The following STIM2 variants were observed in gnomAD, a reference collection of about 807,000 sequenced individuals.
STIM2 encodes the protein stromal interaction molecule 2.
Under a neutral mutation model 85.8 loss-of-function variants are expected in STIM2, and 31 were observed. The observed-to-expected ratio is 0.36, with a 90% confidence interval of 0.27 to 0.49. The LOEUF (loss-of-function observed/expected upper bound fraction) is 0.49. STIM2 is among the 20% of genes least tolerant of loss of function. The pLI, the probability that STIM2 is intolerant of heterozygous loss-of-function variation, is 0.98. For synonymous variants in STIM2, 356 were observed against 331.1 expected, an observed-to-expected ratio of 1.08 and a Z score of -0.82; for missense variants, 841 against 927.6, an observed-to-expected ratio of 0.91 and a Z score of 1.21.
intron 1 of STIM2, among the ~76,000 whole-genome samples, chr4:26,911,256 AAAATG>A (rs1450656555): frequency 2.0e-5 from 3 of 149,352 alleles, no homozygotes; most frequent in Admixed American, 6.6e-5. Flanking sequence ...ATAAATAAAT[AAAATG>A]AAATGAAATA....
intron 1 of STIM2, among the ~76,000 whole-genome samples, chr4:26,864,085 C>G (rs1722309364): frequency 6.6e-6 from 1 of 152,076 alleles, no homozygotes; most frequent in Non-Finnish European, 1.5e-5. Context: ...TTGCTCAAAA[C>G]TATACAAATC....
At chr4:26,869,973 G>T (rs1722551027) in intron 1 of STIM2, among the ~76,000 whole-genome samples, 1 of 151,800 alleles carries the variant, frequency 6.6e-6, no homozygotes, top group African/African-American at 2.4e-5. Context: ...ATATTATTCA[G>T]CATTAAAAAA....
chr4:26,865,529 T>A (rs1217078146), intron 1 of STIM2, among the ~76,000 whole-genome samples: 3 of 152,188 alleles, frequency 2.0e-5, no homozygotes, highest in African/African-American at 7.2e-5. Flanking sequence ...CGTAATGATA[T>A]CAAGGATTTT....
chr4:26,890,695 G>A (rs936243887), intron 1 of STIM2, among the ~76,000 whole-genome samples: 1 of 151,202 alleles, frequency 6.6e-6, no homozygotes, highest in Non-Finnish European at 1.5e-5. Flanking sequence ...GTAGTGGCGG[G>A]CGCCTGTAGT....
chr4:26,902,258 A>G (rs1225992354), intron 1 of STIM2, among the ~76,000 whole-genome samples: 1 of 152,066 alleles, frequency 6.6e-6, no homozygotes, highest in African/African-American at 2.4e-5. Flanking sequence ...AGAGGAGGGA[A>G]CTGGCTTTGA....
intron 1 of STIM2, among the ~76,000 whole-genome samples, chr4:26,888,962 C>G (rs1332663617): frequency 2.0e-5 from 3 of 152,164 alleles, no homozygotes; most frequent in Non-Finnish European, 4.4e-5. Context: ...ATGAGGAGTT[C>G]AAAGTGGCCA....
At chr4:26,997,976 G>A (rs548299895) in intron 4 of STIM2, among the ~76,000 whole-genome samples, 58 of 151,974 alleles carry the variant, frequency 3.8e-4, no homozygotes, top group African/African-American at 1.2e-3. Context: ...CTTTGGAATC[G>A]TACATATTTG....
intron 2 of STIM2, among the ~76,000 whole-genome samples, chr4:26,919,962 C>G (rs1724736787): frequency 6.6e-6 from 1 of 152,098 alleles, no homozygotes; most frequent in South Asian, 2.1e-4. Flanking sequence ...AAAATGACAA[C>G]AGTTTATTAT....
chr4:27,010,009 A>G (rs1374612238), intron 10 of STIM2, among the ~76,000 whole-genome samples: 1 of 152,186 alleles, frequency 6.6e-6, no homozygotes, highest in African/African-American at 2.4e-5. Flanking sequence ...GGGCAGAGGT[A>G]TTGGATATCC....
chr4:26,977,176 C>A (rs2109110261), intron 3 of STIM2, among the ~76,000 whole-genome samples: 1 of 152,124 alleles, frequency 6.6e-6, no homozygotes, highest in East Asian at 1.9e-4. Flanking sequence ...GGTTTAGGGA[C>A]CAGCCACACC....
chr4:26,920,076 G>T (rs1194647662), intron 2 of STIM2, among the ~76,000 whole-genome samples: 1 of 152,156 alleles, frequency 6.6e-6, no homozygotes, highest in African/African-American at 2.4e-5. Context: ...TGGGAGCTCT[G>T]TTGGGGCTGG....
intron 3 of STIM2, among the ~76,000 whole-genome samples, chr4:26,966,101 G>A (rs1560222591): frequency 6.6e-6 from 1 of 152,062 alleles, no homozygotes; most frequent in East Asian, 1.9e-4. Context: ...ACAGACTCAA[G>A]GGATACCTCA....
intron 10 of STIM2, among the ~76,000 whole-genome samples, chr4:27,010,825 AAC>A (rs763955739): frequency 8.5e-5 from 13 of 152,210 alleles, no homozygotes; most frequent in East Asian, 3.8e-4. Flanking sequence ...GGAAAGAAAA[AAC>A]ACAGAAAATA....
chr4:26,953,611 T>C (rs191910186), intron 2 of STIM2, among the ~76,000 whole-genome samples: 9 of 152,188 alleles, frequency 5.9e-5, no homozygotes, highest in African/African-American at 1.7e-4. Flanking sequence ...AACAGACTTA[T>C]GGAAATCAGG....
chr4:26,932,476 C>T (rs1306634780), intron 2 of STIM2, among the ~76,000 whole-genome samples: 1 of 152,116 alleles, frequency 6.6e-6, no homozygotes, highest in Non-Finnish European at 1.5e-5. Flanking sequence ...CTTACTGTAG[C>T]ATCTGATCAA....
intron 1 of STIM2, among the ~76,000 whole-genome samples, chr4:26,895,900 C>T (rs770420660): frequency 1.8e-4 from 27 of 152,174 alleles, no homozygotes; most frequent in Non-Finnish European, 3.1e-4. Context: ...AATTACCATA[C>T]ACTCAGCACC....
At chr4:26,916,604 A>G (rs977830118) in intron 1 of STIM2, among the ~76,000 whole-genome samples, 2 of 152,210 alleles carry the variant, frequency 1.3e-5, no homozygotes, top group African/African-American at 4.8e-5. Flanking sequence ...TAAAAATCCA[A>G]ATATCCTGGT....
intron 3 of STIM2, among the ~76,000 whole-genome samples, chr4:26,992,226 TATTA>T (rs770362375): frequency 6.6e-6 from 1 of 152,178 alleles, no homozygotes; most frequent in Non-Finnish European, 1.5e-5. Context: ...TCATAAGACT[TATTA>T]ATTAAACATG....
chr4:26,984,793 T>C (rs1727524124), intron 3 of STIM2, among the ~76,000 whole-genome samples: 1 of 152,222 alleles, frequency 6.6e-6, no homozygotes, highest in Admixed American at 6.5e-5. Context: ...AATAAAGCCT[T>C]CCCTCAGTGT....
Sources: allele counts gnomAD v4.1 joint callset (sites outside exome capture counted in the v4.1 genomes callset), GRCh38; gene constraint gnomAD v4.1.1; transcripts MANE v1.5; gene names NCBI Gene and HGNC (gene_info 2026-07-23, HGNC 2026-07-21).